The following CEP128 variants were observed in gnomAD, a reference collection of about 807,000 sequenced individuals.
The protein encoded by CEP128 is centrosomal protein 128kDa.
In CEP128, 132 loss-of-function variants were observed where a neutral mutation model predicts 156.7. The ratio of observed to expected loss-of-function variants is 0.84; its 90% CI spans 0.73 to 0.97. The LOEUF (loss-of-function observed/expected upper bound fraction) is 0.97, where lower values mean the gene tolerates loss of function less well. Ranked by LOEUF, CEP128 falls within the 50% of genes least tolerant of loss-of-function variation. The pLI, the probability that CEP128 is intolerant of heterozygous loss-of-function variation, is 0.00. For synonymous variants in CEP128, 469 were observed against 448.9 expected, an observed-to-expected ratio of 1.04 and a Z score of -0.57; for missense variants, 1,252 against 1,281.9, an observed-to-expected ratio of 0.98 and a Z score of 0.36.
At chr14:80,581,930 TG>T (rs1891610425) in intron 19 of CEP128, among the ~76,000 whole-genome samples, 1 of 152,314 alleles carries the variant, frequency 6.6e-6, no homozygotes, top group African/African-American at 2.4e-5. Context: ...CCTCCTGACT[TG>T]ATTTGGTGAA....
At chr14:80,861,309 T>G (rs1349234286) in intron 9 of CEP128, among the ~76,000 whole-genome samples, 1 of 151,936 alleles carries the variant, frequency 6.6e-6, no homozygotes, top group Non-Finnish European at 1.5e-5. Flanking sequence ...AATTTTACTT[T>G]ATAGGATAAC....
chr14:80,532,053 A>G (rs78441386), intron 21 of CEP128, among the ~76,000 whole-genome samples: 11,962 of 152,232 alleles, frequency 0.079, 731 homozygotes, highest in African/African-American at 0.17. Context: ...AAGATTTCAG[A>G]GTTAGTTATC....
intron 19 of CEP128, among the ~76,000 whole-genome samples, chr14:80,646,049 G>T (rs1403796165): frequency 6.6e-6 from 1 of 152,104 alleles, no homozygotes. Context: ...GAGTTAGTGG[G>T]GAAGGAGGGA....
intron 19 of CEP128, among the ~76,000 whole-genome samples, chr14:80,653,140 A>C (rs1894980981): frequency 6.6e-6 from 1 of 152,198 alleles, no homozygotes; most frequent in South Asian, 2.1e-4. Flanking sequence ...TTGAACAATG[A>C]GAACACATGG....
Position 80,786,376 on chromosome 14 carries a change from C to A in CEP128, c.1561-831G>T, listed in dbSNP as rs1046550900. On this transcript the variant is annotated intron_variant, in intron 14 of 24. Transcript: ENST00000555265. Reference sequence around the variant, plus strand: ...AGGGAAAAAAAGGAACCAATTAAGACTCATTTCAGAATTACAAATAATGAG... The same window carrying A: ...AGGGAAAAAAAGGAACCAATTAAGAATCATTTCAGAATTACAAATAATGAG... Among the ~76,000 whole-genome samples, 3 of 152,206 alleles carry A rather than the reference C, an allele frequency of 2.0e-5. No homozygotes were observed. The South Asian group carries it at 6.2e-4, about 31-fold the overall frequency.
chr14:80,546,889 A>G (rs1218160321), intron 21 of CEP128, among the ~76,000 whole-genome samples: 1 of 152,218 alleles, frequency 6.6e-6, no homozygotes, highest in African/African-American at 2.4e-5. Flanking sequence ...ATTGGGGCAT[A>G]TGATAGGATG....
intron 2 of CEP128, chr14:80,955,944 G>T: frequency 6.8e-7 from 1 of 1,463,152 alleles, no homozygotes; most frequent in Non-Finnish European, 9.5e-7. Flanking sequence ...ATAACAGCCC[G>T]AAGTAGTGTG....
rs1425004625 is a variant in CEP128, at chr14:80,852,942, A to G, written c.762+9815T>C. On this transcript the variant is annotated intron_variant, in intron 9 of 24. Transcript: ENST00000555265. ...TTAATTCAGCAATGTATAAAAAAAA[A>G]TTATAATCAAATAAAGTTCTCAGGA... 3.3e-5 allele frequency among the ~76,000 whole-genome samples: 5 copies of G among 152,066 alleles called. No individual in the cohort carries two copies. The East Asian group carries it at 9.6e-4, about 29-fold the overall frequency.
chr14:80,867,125 TA>T (rs1434347131), intron 8 of CEP128, among the ~76,000 whole-genome samples: 2 of 152,226 alleles, frequency 1.3e-5, no homozygotes, highest in African/African-American at 4.8e-5. Context: ...TCAACCTCAC[TA>T]CTCTGCACTT....
At chr14:80,667,912 T>C (rs1416459845) in intron 19 of CEP128, among the ~76,000 whole-genome samples, 9 of 151,550 alleles carry the variant, frequency 5.9e-5, no homozygotes, top group Non-Finnish European at 1.2e-4. Context: ...GAATTTTATA[T>C]GGTGCTATGA....
intron 19 of CEP128, among the ~76,000 whole-genome samples, chr14:80,699,578 GTTTGT>G (rs929036193): frequency 1.3e-5 from 2 of 152,046 alleles, no homozygotes; most frequent in East Asian, 3.8e-4. Context: ...TTTAACATAG[GTTTGT>G]ATTAATCAGA....
intron 14 of CEP128, among the ~76,000 whole-genome samples, chr14:80,484,727 T>C (rs1418311526): frequency 6.6e-6 from 1 of 152,212 alleles, no homozygotes; most frequent in Non-Finnish European, 1.5e-5. Flanking sequence ...CAGGGAGATT[T>C]TAACTTATTC....
At chr14:80,590,977 G>T (rs532451594) in intron 19 of CEP128, among the ~76,000 whole-genome samples, 14 of 151,988 alleles carry the variant, frequency 9.2e-5, no homozygotes, top group Admixed American at 7.9e-4. Context: ...TGTCACCACC[G>T]GGCCAGCCTT....
chr14:80,946,469 T>C (rs1594878198), upstream of CEP128, among the ~76,000 whole-genome samples: 1 of 151,924 alleles, frequency 6.6e-6, no homozygotes, highest in Non-Finnish European at 1.5e-5. Flanking sequence ...ACTAATGAGA[T>C]CACCAGCCTG....
chr14:80,794,240 G>C (rs191265586), intron 13 of CEP128, among the ~76,000 whole-genome samples: 31 of 152,260 alleles, frequency 2.0e-4, no homozygotes, highest in African/African-American at 7.5e-4. Flanking sequence ...AGAGGTTCCA[G>C]GTCCAGATTC....
At chr14:80,902,337 T>C (rs1883621318) in intron 6 of CEP128, among the ~76,000 whole-genome samples, 1 of 152,214 alleles carries the variant, frequency 6.6e-6, no homozygotes, top group Admixed American at 6.5e-5. Flanking sequence ...TAAGATATTG[T>C]TCTCTGTTCT....
At chr14:80,540,313 T>C (rs939862952) in intron 21 of CEP128, among the ~76,000 whole-genome samples, 3 of 151,802 alleles carry the variant, frequency 2.0e-5, no homozygotes, top group African/African-American at 7.3e-5. Context: ...AATTTCTCTC[T>C]TTGTACTGTC....
downstream of CEP128, among the ~76,000 whole-genome samples, chr14:80,494,088 A>G (rs1315816282): frequency 6.6e-6 from 1 of 152,216 alleles, no homozygotes; most frequent in Non-Finnish European, 1.5e-5. Flanking sequence ...TTTGTCAAAT[A>G]GGGATAAGTT....
chr14:80,486,645 A>C (rs1281864142), downstream of CEP128, among the ~76,000 whole-genome samples: 1 of 152,228 alleles, frequency 6.6e-6, no homozygotes, highest in African/African-American at 2.4e-5. Flanking sequence ...CACAAAGGGA[A>C]GCCCATCAGA....
Sources: gnomAD v4.1 joint callset for allele counts (sites outside exome capture counted in the v4.1 genomes callset) on GRCh38, gnomAD v4.1.1 for gene constraint, MANE v1.5 for transcripts, NCBI Gene and HGNC (gene_info 2026-07-23, HGNC 2026-07-21) for gene names.